Variants in CAMK1D observed in about 807,000 individuals in gnomAD.
CAMK1D encodes calcium/calmodulin dependent protein kinase ID.
Under a neutral mutation model 47.7 loss-of-function variants are expected in CAMK1D, and 9 were observed. The observed-to-expected ratio is 0.19, with a 90% CI of 0.11 to 0.33. CAMK1D has a LOEUF of 0.33. Ranked by LOEUF, CAMK1D falls within the 10% of genes least tolerant of loss-of-function variation. CAMK1D has a pLI of 1.00. For synonymous variants in CAMK1D, 184 were observed against 184.9 expected, an observed-to-expected ratio of 0.99 and a Z score of 0.04; for missense variants, 291 against 488.7, an observed-to-expected ratio of 0.60 and a Z score of 3.81.
At chr10:12,579,751 C>T (rs1283740095) in intron 2 of CAMK1D, among the ~76,000 whole-genome samples, 1 of 152,220 alleles carries the variant, frequency 6.6e-6, no homozygotes, top group African/African-American at 2.4e-5. Context: ...TCTCTGTGCT[C>T]TTAGATGCCT....
At chr10:12,363,687 T>A (rs1554759269) in intron 1 of CAMK1D, among the ~76,000 whole-genome samples, 1 of 139,394 alleles carries the variant, frequency 7.2e-6, no homozygotes, top group Non-Finnish European at 1.6e-5. Flanking sequence ...TTTTTTTTTT[T>A]AAACAGAGTT....
chr10:12,521,372 A>G (rs944312835), intron 1 of CAMK1D, among the ~76,000 whole-genome samples: 3 of 152,196 alleles, frequency 2.0e-5, no homozygotes, highest in African/African-American at 7.2e-5. Context: ...GACTATTTAG[A>G]AGTGAGTTGT....
rs374923218 is a variant in CAMK1D at position 12,659,917 on chromosome 10, CTGAT to C, written c.225-6816_225-6813del. On this transcript the variant is annotated intron_variant, in intron 2 of 10. Transcript: ENST00000619168. ...AAGTGCCTGAAAAGCGGACCGGAAG[CTGAT>C]TGCGGCTCGTTGACGTAACTTTCTC... Among the ~76,000 whole-genome samples, 82 of 152,312 alleles carry C rather than the reference CTGAT, an allele frequency of 5.4e-4. 1 individual carries two copies. The highest frequency in any genetic ancestry group is 1.9e-3 in the African/African-American group (81 of 41,564).
At chr10:12,356,464 A>G (rs546352377) in intron 1 of CAMK1D, among the ~76,000 whole-genome samples, 1 of 152,278 alleles carries the variant, frequency 6.6e-6, no homozygotes, top group South Asian at 2.1e-4. Context: ...CTGAATTTGA[A>G]GGTGAAATTC....
At chr10:12,817,975 C>T (rs1221536967) in intron 8 of CAMK1D, among the ~76,000 whole-genome samples, 1 of 152,164 alleles carries the variant, frequency 6.6e-6, no homozygotes, top group African/African-American at 2.4e-5. Context: ...AGGTGTGAGC[C>T]ACCGCGCTGG....
intron 3 of CAMK1D, among the ~76,000 whole-genome samples, chr10:12,710,445 A>G (rs1301253712): frequency 6.6e-6 from 1 of 152,222 alleles, no homozygotes; most frequent in Non-Finnish European, 1.5e-5. Context: ...ATGAACATGA[A>G]AAATAAAGAG....
At chr10:12,471,690 C>T (rs1833750749) in intron 1 of CAMK1D, among the ~76,000 whole-genome samples, 1 of 152,180 alleles carries the variant, frequency 6.6e-6, no homozygotes, top group South Asian at 2.1e-4. Flanking sequence ...TTCTTCCTTT[C>T]CTGCGAGCAC....
chr10:12,631,427 T>G lies in CAMK1D; in HGVS notation c.225-35309T>G, dbSNP rs549595625. ...GCTCCCTTAACTATCCCTGGGCAAC[T>G]TCCCTTTCTTTCTTTGTTCTGTTCT... On this transcript the variant is annotated intron_variant, in intron 2 of 10. Coordinates refer to ENST00000619168, the MANE Select transcript of CAMK1D (RefSeq NM_153498.4). Among the ~76,000 whole-genome samples the G allele has an allele frequency of 6.6e-5, 10 of 152,344 alleles. No individual in the cohort carries two copies. The South Asian group carries it at 1.2e-3, about 19-fold the overall frequency.
At chr10:12,480,579 A>G (rs897739245) in intron 1 of CAMK1D, among the ~76,000 whole-genome samples, 24 of 152,200 alleles carry the variant, frequency 1.6e-4, no homozygotes, top group African/African-American at 5.5e-4. Context: ...TTGGGCTCAG[A>G]TGATCTTGTT....
chr10:12,565,534 G>A (rs1041420199), intron 2 of CAMK1D, among the ~76,000 whole-genome samples: 1 of 152,208 alleles, frequency 6.6e-6, no homozygotes, highest in East Asian at 1.9e-4. Context: ...AATTACAGGC[G>A]TGAGCTGCCG....
intron 1 of CAMK1D, among the ~76,000 whole-genome samples, chr10:12,504,044 CAA>C (rs1382941188): frequency 6.6e-6 from 1 of 151,782 alleles, no homozygotes; most frequent in Non-Finnish European, 1.5e-5. Context: ...GCATATTAAC[CAA>C]AGAGTTGGAT....
intron 3 of CAMK1D, among the ~76,000 whole-genome samples, chr10:12,684,306 G>A (rs891851952): frequency 2.0e-5 from 3 of 152,096 alleles, no homozygotes; most frequent in Non-Finnish European, 4.4e-5. Flanking sequence ...GATATCCAAC[G>A]GCGTCTCTGT....
chr10:12,762,222 C>T (rs1254151103), intron 4 of CAMK1D, among the ~76,000 whole-genome samples: 1 of 152,184 alleles, frequency 6.6e-6, no homozygotes, highest in Non-Finnish European at 1.5e-5. Flanking sequence ...CTGCACCAGT[C>T]AAGACAAAAA....
At chr10:12,397,824 G>C (rs2801490) in intron 1 of CAMK1D, among the ~76,000 whole-genome samples, 51,755 of 152,010 alleles carry the variant, frequency 0.34, 8,912 homozygotes, top group Admixed American at 0.36. Flanking sequence ...AGAAAAAATC[G>C]CAGGTAAACT....
intron 1 of CAMK1D, among the ~76,000 whole-genome samples, chr10:12,492,150 A>T (rs943917341): frequency 6.6e-6 from 1 of 151,902 alleles, no homozygotes; most frequent in African/African-American, 2.4e-5. Flanking sequence ...CTTTGAGAGG[A>T]TGACAGTGGG....
intron 2 of CAMK1D, among the ~76,000 whole-genome samples, chr10:12,569,387 A>G (rs1375773692): frequency 1.3e-5 from 2 of 152,166 alleles, no homozygotes; most frequent in East Asian, 1.9e-4. Context: ...TACAAGTCCA[A>G]TTGAAATGTA....
intron 5 of CAMK1D, among the ~76,000 whole-genome samples, chr10:12,785,421 G>T (rs542704614): frequency 6.6e-6 from 1 of 152,200 alleles, no homozygotes; most frequent in Non-Finnish European, 1.5e-5. Context: ...GGAGGCATGG[G>T]AGCAGCAGGG....
chr10:12,759,947 T>C (rs1479611948), intron 3 of CAMK1D, among the ~76,000 whole-genome samples: 1 of 152,252 alleles, frequency 6.6e-6, no homozygotes, highest in African/African-American at 2.4e-5. Flanking sequence ...TTTATTTAAG[T>C]TGCTTTTTGA....
intron 1 of CAMK1D, among the ~76,000 whole-genome samples, chr10:12,368,392 C>T (rs554679362): frequency 1.2e-4 from 18 of 150,300 alleles, no homozygotes; most frequent in Non-Finnish European, 2.2e-4. Flanking sequence ...GGTCAAACAG[C>T]AAGACCCTAT....
Sources: allele counts gnomAD v4.1 joint callset (sites outside exome capture counted in the v4.1 genomes callset), GRCh38; gene constraint gnomAD v4.1.1; transcripts MANE v1.5; gene names NCBI Gene and HGNC (gene_info 2026-07-23, HGNC 2026-07-21).